SPHKAP: variants seen among roughly 807,000 people sequenced by gnomAD.
SPHKAP encodes the protein SPHK1 interactor, AKAP domain containing.
In SPHKAP, 67 loss-of-function variants were observed where a neutral mutation model predicts 137.5. The ratio of observed to expected loss-of-function variants is 0.49; its 90% CI spans 0.40 to 0.60. The LOEUF is 0.60. SPHKAP is among the 20% of genes least tolerant of loss of function. SPHKAP has a pLI of 0.00. For synonymous variants in SPHKAP, 813 were observed against 785.3 expected, an observed-to-expected ratio of 1.04 and a Z score of -0.59; for missense variants, 2,097 against 2,069.3, an observed-to-expected ratio of 1.01 and a Z score of -0.26.
intron 1 of SPHKAP, among the ~76,000 whole-genome samples, chr2:228,140,813 G>T (rs1434928026): frequency 1.3e-5 from 2 of 152,022 alleles, no homozygotes; most frequent in Admixed American, 1.3e-4. Context: ...CCCCCCTCTC[G>T]CTCTCTTCTG....
At chr2:228,170,772 T>A (rs1343551338) in intron 1 of SPHKAP, among the ~76,000 whole-genome samples, 1 of 152,172 alleles carries the variant, frequency 6.6e-6, no homozygotes, top group East Asian at 1.9e-4. Flanking sequence ...TTCATTATGA[T>A]ATTTACTTTA....
rs548392854 is a variant in SPHKAP, at chr2:228,129,699, T to C, written c.138+2281A>G. ...ATTTGTAAATGTATATATTTATGTA[T>C]AAATATATACATTTAAACATATGCA... On this transcript the variant is annotated intron_variant, in intron 2 of 11. Coordinates refer to ENST00000392056, the MANE Select transcript of SPHKAP (RefSeq NM_001142644.2). 9.2e-5 allele frequency among the ~76,000 whole-genome samples: 14 copies of C among 151,968 alleles called. No homozygotes were observed. In the East Asian group the frequency reaches 2.7e-3, roughly 29 times the overall value.
At chr2:228,029,138 G>A (rs1695184314) in intron 3 of SPHKAP, among the ~76,000 whole-genome samples, 2 of 152,196 alleles carry the variant, frequency 1.3e-5, no homozygotes, top group South Asian at 4.1e-4. Flanking sequence ...TGGGCTAAAT[G>A]AGAAAATGCA....
chr2:228,042,456 G>T (rs1362245533), intron 3 of SPHKAP, among the ~76,000 whole-genome samples: 1 of 151,960 alleles, frequency 6.6e-6, no homozygotes. Flanking sequence ...TTTTAGTATA[G>T]TCATCATTTC....
intron 1 of SPHKAP, among the ~76,000 whole-genome samples, chr2:228,168,360 T>G (rs1025486978): frequency 6.6e-6 from 1 of 152,182 alleles, no homozygotes; most frequent in African/African-American, 2.4e-5. Context: ...TTGTTGAAAT[T>G]GTGCATCCAG....
At position 228,079,159 on chromosome 2, in the gene SPHKAP, A is replaced by G. The variant is rs188483864; in HGVS notation, c.246+29673T>C. Among the ~76,000 whole-genome samples, 480 of 152,316 alleles carry G rather than the reference A, an allele frequency of 3.2e-3. 4 individuals carry two copies. Among genetic ancestry groups the G allele is most frequent in the African/African-American group, 0.011 (464 of 41,552 alleles). On this transcript the variant is annotated intron_variant, in intron 3 of 11. Transcript: ENST00000392056. ...TTCAGGATGAAACTGTTCCACCTCA[A>G]ATCATCAGGCATTAGATTCTCATGA...
chr2:228,044,305 AT>A (rs2106262775), intron 3 of SPHKAP, among the ~76,000 whole-genome samples: 1 of 152,338 alleles, frequency 6.6e-6, no homozygotes, highest in South Asian at 2.1e-4. Context: ...TATTTAGAGG[AT>A]TTAGTCCTAA....
At chr2:228,161,050 AC>A (rs1700258708) in intron 1 of SPHKAP, among the ~76,000 whole-genome samples, 1 of 152,220 alleles carries the variant, frequency 6.6e-6, no homozygotes, top group African/African-American at 2.4e-5. Context: ...TAGGTGTTAA[AC>A]AAATAATCAC....
intron 1 of SPHKAP, among the ~76,000 whole-genome samples, chr2:228,153,012 A>G (rs1699983522): frequency 6.6e-6 from 1 of 152,160 alleles, no homozygotes; most frequent in Admixed American, 6.5e-5. Flanking sequence ...TGATGGTTTT[A>G]TAAGGGGTTT....
At chr2:228,087,673 GA>G (rs1275155146) in intron 3 of SPHKAP, among the ~76,000 whole-genome samples, 1 of 152,104 alleles carries the variant, frequency 6.6e-6, no homozygotes, top group Non-Finnish European at 1.5e-5. Flanking sequence ...AATTTAATAG[GA>G]GAGCTCAACA....
intron 3 of SPHKAP, among the ~76,000 whole-genome samples, chr2:228,092,554 GTATATGTGCCA>G (rs1697833895): frequency 1.0e-5 from 1 of 98,758 alleles, no homozygotes. Flanking sequence ...ATATATATGT[GTATATGTGCCA>G]TATATATGTG....
intron 1 of SPHKAP, among the ~76,000 whole-genome samples, chr2:228,141,862 T>C (rs1446888324): frequency 6.6e-6 from 1 of 152,136 alleles, no homozygotes; most frequent in Non-Finnish European, 1.5e-5. Context: ...AAAATGTTAG[T>C]TTTATTGGAG....
rs778544353 is a variant in SPHKAP, at chr2:228,017,071, A to T, written c.3783T>A (p.Asp1261Glu). The T allele has an allele frequency of 1.2e-6, 2 of 1,614,140 alleles. No individual in the cohort carries two copies. The highest frequency in any genetic ancestry group is 3.3e-5 in the Admixed American group (2 of 60,010). ...VNVPIKANSLDGFAQNCPQDF... is the reference protein window; with the variant it reads ...VNVPIKANSLEGFAQNCPQDF... ...CTTGTGGGCAGTTCTGAGCAAAGCC[A>T]TCTAAAGAGTTGGCTTTGATGGGCA... Residue 1261 changes from aspartate (D) to glutamate (E), a missense_variant, in exon 7 of 12, where the codon GAT (aspartate) becomes GAA (glutamate). Coordinates refer to ENST00000392056, the MANE Select transcript of SPHKAP (RefSeq NM_001142644.2).
At chr2:228,109,052 C>T (rs1698435627) in intron 2 of SPHKAP, 113 bp from the exon 3 acceptor site, 7 of 677,738 alleles carry the variant, frequency 1.0e-5, no homozygotes, top group African/African-American at 3.8e-5. Context: ...TTTTCTTTTC[C>T]TCAGAGCTTC....
intron 3 of SPHKAP, among the ~76,000 whole-genome samples, chr2:228,076,766 C>A (rs1025060965): frequency 1.3e-5 from 2 of 152,134 alleles, no homozygotes; most frequent in Non-Finnish European, 2.9e-5. Context: ...AAAGAAAATC[C>A]CATTTTCTGA....
rs536605315 is a variant in SPHKAP, at chr2:228,011,504, T to C, written c.4448+4902A>G. The stretch of plus-strand genomic sequence containing the variant: ...TTCCTTTTTTAACCTCTGAAATTTC[T>C]ATAATTACTATTGTTAAGATTAGCC... On this transcript the variant is annotated intron_variant, in intron 7 of 11. Transcript: ENST00000392056. Among the ~76,000 whole-genome samples, 386 of 152,374 alleles carry C rather than the reference T, an allele frequency of 2.5e-3. 2 individuals carry two copies. The highest frequency in any genetic ancestry group is 9.1e-3 in the African/African-American group (378 of 41,592).
At chr2:228,099,896 C>T (rs547949603) in intron 3 of SPHKAP, among the ~76,000 whole-genome samples, 57 of 151,414 alleles carry the variant, frequency 3.8e-4, no homozygotes, top group Middle Eastern at 3.4e-3. Context: ...GTGGCCCAGG[C>T]GGGAGTGCAG....
intron 3 of SPHKAP, among the ~76,000 whole-genome samples, chr2:228,047,286 C>T (rs182947022): frequency 6.6e-6 from 1 of 151,852 alleles, no homozygotes; most frequent in Non-Finnish European, 1.5e-5. Context: ...GCCAACACTG[C>T]GAAACCCCAT....
At chr2:228,029,932 G>T (rs1450336536) in intron 3 of SPHKAP, among the ~76,000 whole-genome samples, 2 of 152,100 alleles carry the variant, frequency 1.3e-5, no homozygotes, top group Non-Finnish European at 2.9e-5. Flanking sequence ...AGAGATCAGA[G>T]AGCAAAGAAA....
Sources: allele counts gnomAD v4.1 joint callset (sites outside exome capture counted in the v4.1 genomes callset), GRCh38; gene constraint gnomAD v4.1.1; transcripts MANE v1.5; gene names NCBI Gene and HGNC (gene_info 2026-07-23, HGNC 2026-07-21).